PTPRD: variants seen among roughly 807,000 people sequenced by gnomAD.
PTPRD encodes the protein protein tyrosine phosphatase receptor type D.
PTPRD carries 34 observed loss-of-function variants against 214.5 expected under a neutral mutation model. The ratio of observed to expected loss-of-function variants is 0.16; its 90% CI spans 0.12 to 0.21. The LOEUF is 0.21. Ranked by LOEUF, PTPRD falls within the 10% of genes least tolerant of loss-of-function variation. PTPRD has a pLI of 1.00. For missense variants in PTPRD, 2,545 were observed against 2,398.7 expected, an observed-to-expected ratio of 1.06 and a Z score of -1.27; for synonymous variants, 1,128 against 845.7, an observed-to-expected ratio of 1.33 and a Z score of -5.79.
At chr9:8,911,682 C>A (rs1446072176) in intron 11 of PTPRD, among the ~76,000 whole-genome samples, 1 of 151,692 alleles carries the variant, frequency 6.6e-6, no homozygotes, top group East Asian at 1.9e-4. Context: ...TGAACTTGAG[C>A]AAAATTTAAT....
At chr9:9,619,062 T>C (rs1379972303) in intron 7 of PTPRD, among the ~76,000 whole-genome samples, 1 of 152,154 alleles carries the variant, frequency 6.6e-6, no homozygotes, top group African/African-American at 2.4e-5. Flanking sequence ...TGCTTTTGCT[T>C]TAGCAATGTA....
intron 13 of PTPRD, 79 bp from the exon 14 acceptor site, chr9:8,633,537 G>C (rs937265716): frequency 1.3e-6 from 2 of 1,499,290 alleles, no homozygotes; most frequent in South Asian, 1.2e-5. Flanking sequence ...TACAGTGGTG[G>C]ATCCGCCATT....
intron 14 of PTPRD, among the ~76,000 whole-genome samples, chr9:8,593,800 C>T (rs938036935): frequency 6.6e-6 from 1 of 152,146 alleles, no homozygotes; most frequent in African/African-American, 2.4e-5. Context: ...GCACCCTTGG[C>T]AAATGGCCTC....
chr9:10,010,057 C>G (rs1275853972), intron 4 of PTPRD, among the ~76,000 whole-genome samples: 1 of 151,756 alleles, frequency 6.6e-6, no homozygotes, highest in African/African-American at 2.4e-5. Context: ...GGTTGAGAGG[C>G]TTGGAATTTT....
chr9:8,332,540 G>T (rs968595095), intron 43 of PTPRD, among the ~76,000 whole-genome samples: 1 of 110,642 alleles, frequency 9.0e-6, no homozygotes, highest in African/African-American at 2.5e-5. Flanking sequence ...AAACCAAAAG[G>T]TAGAAAAAAA....
intron 12 of PTPRD, among the ~76,000 whole-genome samples, chr9:8,663,151 T>C (rs1019633383): frequency 9.9e-5 from 15 of 151,660 alleles, no homozygotes; most frequent in South Asian, 6.2e-4. Flanking sequence ...GGTCTTTTGA[T>C]TGAAAGCTAA....
intron 12 of PTPRD, among the ~76,000 whole-genome samples, chr9:8,682,796 G>T (rs2154373933): frequency 6.6e-6 from 1 of 152,272 alleles, no homozygotes; most frequent in South Asian, 2.1e-4. Flanking sequence ...ACTCAGTTAA[G>T]TGTATAAAAC....
At chr9:10,394,554 A>G (rs992019471) in intron 2 of PTPRD, among the ~76,000 whole-genome samples, 1 of 151,918 alleles carries the variant, frequency 6.6e-6, no homozygotes, top group Non-Finnish European at 1.5e-5. Flanking sequence ...AATGCACACC[A>G]TGAAACCTTA....
chr9:10,219,816 T>A (rs896208336), intron 3 of PTPRD, among the ~76,000 whole-genome samples: 1 of 151,884 alleles, frequency 6.6e-6, no homozygotes, highest in African/African-American at 2.4e-5. Flanking sequence ...ACCCTTGTTT[T>A]ACTATTTTGT....
At chr9:8,949,934 C>T (rs1001336627) in intron 11 of PTPRD, among the ~76,000 whole-genome samples, 1 of 152,104 alleles carries the variant, frequency 6.6e-6, no homozygotes, top group Admixed American at 6.5e-5. Flanking sequence ...TGCCTATTCC[C>T]TGCATTCAAG....
At chr9:8,785,253 T>C (rs2095892881) in intron 11 of PTPRD, among the ~76,000 whole-genome samples, 1 of 152,078 alleles carries the variant, frequency 6.6e-6, no homozygotes, top group African/African-American at 2.4e-5. Context: ...AAAAAAACAC[T>C]AATCAATGAA....
At chr9:9,360,155 T>C (rs1026604036) in intron 9 of PTPRD, among the ~76,000 whole-genome samples, 3 of 151,130 alleles carry the variant, frequency 2.0e-5, no homozygotes, top group African/African-American at 7.3e-5. Flanking sequence ...TTAATGGAAG[T>C]GATTCTAAAA....
chr9:10,048,951 G>A (rs1202040917), intron 3 of PTPRD, among the ~76,000 whole-genome samples: 1 of 152,050 alleles, frequency 6.6e-6, no homozygotes, highest in South Asian at 2.1e-4. Context: ...GGAATTATAA[G>A]GTATTTGAGT....
intron 7 of PTPRD, among the ~76,000 whole-genome samples, chr9:9,614,487 A>G (rs1462214364): frequency 6.6e-6 from 1 of 152,222 alleles, no homozygotes; most frequent in Non-Finnish European, 1.5e-5. Context: ...AAAACATATT[A>G]AATGGATCAT....
chr9:9,043,469 T>C (rs1342848777), intron 10 of PTPRD, among the ~76,000 whole-genome samples: 1 of 152,190 alleles, frequency 6.6e-6, no homozygotes, highest in Non-Finnish European at 1.5e-5. Flanking sequence ...TTTTCTGTTT[T>C]GTCCTTCAGT....
chr9:8,498,593 C>A (rs761752021), intron 25 of PTPRD, among the ~76,000 whole-genome samples: 12 of 152,170 alleles, frequency 7.9e-5, no homozygotes, highest in Middle Eastern at 3.2e-3. Flanking sequence ...ATAACCTTTC[C>A]AACTTTCACA....
chr9:9,998,299 C>T (rs1220013247), intron 4 of PTPRD, among the ~76,000 whole-genome samples: 2 of 150,706 alleles, frequency 1.3e-5, no homozygotes, highest in Admixed American at 6.6e-5. Flanking sequence ...TGATGGGTCC[C>T]GGGGCTCAAA....
intron 11 of PTPRD, among the ~76,000 whole-genome samples, chr9:8,786,757 G>C (rs897017577): frequency 7.2e-6 from 1 of 139,458 alleles, no homozygotes; most frequent in Admixed American, 7.2e-5. Context: ...GGAAAAAAAA[G>C]GTGGGGGGGC....
intron 34 of PTPRD, among the ~76,000 whole-genome samples, chr9:8,448,946 G>A (rs542592959): frequency 2.6e-5 from 4 of 152,110 alleles, no homozygotes; most frequent in Admixed American, 2.6e-4. Context: ...TATTAAGATA[G>A]GGTCACTCGG....
Sources: gnomAD v4.1 joint callset for allele counts (sites outside exome capture counted in the v4.1 genomes callset) on GRCh38, gnomAD v4.1.1 for gene constraint, MANE v1.5 for transcripts, NCBI Gene and HGNC (gene_info 2026-07-23, HGNC 2026-07-21) for gene names.